EIPR1: variants seen among roughly 807,000 people sequenced by gnomAD.
EIPR1 encodes EARP and GARP complex-interacting protein 1.
EIPR1 carries 25 observed loss-of-function variants against 48.1 expected under a neutral mutation model. The observed-to-expected ratio is 0.52, with a 90% confidence interval of 0.38 to 0.73. EIPR1 has a LOEUF of 0.73. Ranked by LOEUF, EIPR1 falls within the 30% of genes least tolerant of loss-of-function variation. The pLI is 0.00. For missense variants in EIPR1, 415 were observed against 506.2 expected (o/e 0.82, Z 1.73); for synonymous variants, 204 against 201.9 (o/e 1.01, Z -0.09).
intron 3 of EIPR1, chr2:3,274,204 C>A: frequency 7.2e-7 from 1 of 1,392,172 alleles, no homozygotes; most frequent in Non-Finnish European, 9.6e-7. Flanking sequence ...CAGAAAACAG[C>A]AGGCACAATA....
intron 5 of EIPR1, among the ~76,000 whole-genome samples, chr2:3,199,776 CA>C (rs5828970): frequency 7.2e-4 from 7 of 9,674 alleles, no homozygotes; most frequent in East Asian, 4.4e-3. Flanking sequence ...GCAGAGGTGA[CA>C]GGGGTGTGTC....
intron 3 of EIPR1, among the ~76,000 whole-genome samples, chr2:3,302,737 G>T (rs988942740): frequency 4.6e-5 from 7 of 152,256 alleles, no homozygotes; most frequent in African/African-American, 1.4e-4. Context: ...CTGTCACTCT[G>T]GGTGAACTGC....
intron 1 of EIPR1, among the ~76,000 whole-genome samples, chr2:3,365,883 C>T (rs530814264): frequency 2.0e-5 from 3 of 152,256 alleles, no homozygotes; most frequent in African/African-American, 7.2e-5. Flanking sequence ...CCTCTTTCTA[C>T]ACAGACACGG....
intron 3 of EIPR1, among the ~76,000 whole-genome samples, chr2:3,333,938 C>T (rs1196013166): frequency 1.3e-5 from 2 of 152,142 alleles, no homozygotes; most frequent in African/African-American, 2.4e-5. Flanking sequence ...GGCTGCCCCA[C>T]GCAGGGTGTG....
intron 4 of EIPR1, among the ~76,000 whole-genome samples, chr2:3,251,766 T>C (rs1284637468): frequency 6.6e-6 from 1 of 152,192 alleles, no homozygotes; most frequent in Non-Finnish European, 1.5e-5. Context: ...CAGCTAGAAA[T>C]ACTGAAACAT....
intron 3 of EIPR1, among the ~76,000 whole-genome samples, chr2:3,266,513 T>C (rs1667494371): frequency 6.6e-6 from 1 of 152,182 alleles, no homozygotes; most frequent in African/African-American, 2.4e-5. Context: ...GGGCAGAGAC[T>C]GATTGCAGAA....
At chr2:3,258,491 T>G (rs933700941) in intron 3 of EIPR1, among the ~76,000 whole-genome samples, 1 of 124,518 alleles carries the variant, frequency 8.0e-6, no homozygotes, top group Middle Eastern at 4.2e-3. Flanking sequence ...TATTATATAT[T>G]GCGTTAGAAC....
chr2:3,373,038 A>C (rs1659739606), intron 1 of EIPR1, among the ~76,000 whole-genome samples: 1 of 152,230 alleles, frequency 6.6e-6, no homozygotes, highest in Non-Finnish European at 1.5e-5. Context: ...CACCATGATC[A>C]AGCGGGCTTC....
At chr2:3,307,588 G>A (rs1261165712) in intron 3 of EIPR1, among the ~76,000 whole-genome samples, 2 of 152,222 alleles carry the variant, frequency 1.3e-5, no homozygotes, top group African/African-American at 4.8e-5. Context: ...AGCCTCAGGA[G>A]CAGCCCGGGC....
chr2:3,330,860 A>G (rs11676247), intron 3 of EIPR1, among the ~76,000 whole-genome samples: 25,636 of 150,372 alleles, frequency 0.17, 2,314 homozygotes, highest in Non-Finnish European at 0.21. Context: ...AGGTGCACAC[A>G]CTCATGAGAC....
At chr2:3,271,578 G>A (rs1431954269) in intron 3 of EIPR1, among the ~76,000 whole-genome samples, 1 of 152,192 alleles carries the variant, frequency 6.6e-6, no homozygotes. Flanking sequence ...CCAATGGGGA[G>A]TAATTTTCAA....
intron 4 of EIPR1, among the ~76,000 whole-genome samples, chr2:3,230,757 C>A (rs1223081630): frequency 6.6e-6 from 1 of 152,116 alleles, no homozygotes; most frequent in Admixed American, 6.5e-5. Flanking sequence ...TTACAGTAGT[C>A]TTATGATATA....
intron 4 of EIPR1, among the ~76,000 whole-genome samples, chr2:3,244,244 C>G (rs1470224720): frequency 6.6e-6 from 1 of 152,212 alleles, no homozygotes; most frequent in Non-Finnish European, 1.5e-5. Context: ...AAAACCTGAA[C>G]AGCAGTTTGG....
intron 4 of EIPR1, among the ~76,000 whole-genome samples, chr2:3,244,752 C>T (rs1300332517): frequency 1.3e-5 from 2 of 152,222 alleles, no homozygotes; most frequent in Admixed American, 1.3e-4. Context: ...TGAATTTCTG[C>T]TGTCTGGAAG....
rs142041898 is a variant in EIPR1 at position 3,288,558 on chromosome 2, C to A, written c.260-31103G>T. ...AAGAAAAGCACTTCTGAGGACAAAA[C>A]CAGGGTGTCACTGTGGCCCTTACAG... On this transcript the variant is annotated intron_variant, in intron 3 of 8. Coordinates refer to ENST00000382125, the MANE Select transcript of EIPR1 (RefSeq NM_003310.5). 1.1e-4 allele frequency among the ~76,000 whole-genome samples: 17 copies of A among 152,294 alleles called. No homozygotes were observed. In the East Asian group the frequency reaches 3.3e-3, roughly 29 times the overall value.
At chr2:3,296,577 C>A (rs1479398415) in intron 3 of EIPR1, among the ~76,000 whole-genome samples, 1 of 149,760 alleles carries the variant, frequency 6.7e-6, no homozygotes, top group East Asian at 2.0e-4. Context: ...ACACTCCATC[C>A]AGCCCATCCT....
intron 3 of EIPR1, among the ~76,000 whole-genome samples, chr2:3,336,322 C>T (rs529964601): frequency 1.3e-5 from 2 of 152,282 alleles, no homozygotes; most frequent in Non-Finnish European, 2.9e-5. Flanking sequence ...TTGGACCAAT[C>T]GGCACAGAGA....
At chr2:3,213,287 G>T (rs548960673) in intron 5 of EIPR1, among the ~76,000 whole-genome samples, 186 of 152,114 alleles carry the variant, frequency 1.2e-3, no homozygotes, top group Non-Finnish European at 2.1e-3. Flanking sequence ...ATAAACAAAC[G>T]CAATGAAATT....
intron 4 of EIPR1, among the ~76,000 whole-genome samples, chr2:3,244,217 G>A (rs1666726601): frequency 6.6e-6 from 1 of 152,116 alleles, no homozygotes; most frequent in Non-Finnish European, 1.5e-5. Flanking sequence ...CACATTTCTA[G>A]GTAAAATGTG....
Sources: gnomAD v4.1 joint callset for allele counts (sites outside exome capture counted in the v4.1 genomes callset) on GRCh38, gnomAD v4.1.1 for gene constraint, MANE v1.5 for transcripts, NCBI Gene and HGNC (gene_info 2026-07-23, HGNC 2026-07-21) for gene names.